Variants in CADM2 observed in about 807,000 individuals in gnomAD.
CADM2 encodes the protein immunoglobulin superfamily member 4D.
Under a neutral mutation model 49.8 loss-of-function variants are expected in CADM2, and 12 were observed. The ratio of observed to expected loss-of-function variants is 0.24; its 90% CI spans 0.15 to 0.39. The LOEUF is 0.39. Ranked by LOEUF, CADM2 falls within the 10% of genes least tolerant of loss-of-function variation. The probability of loss-of-function intolerance (pLI) is 1.00; values close to 1 mark genes in which losing one functional copy is unlikely to be tolerated. For synonymous variants in CADM2, 214 were observed against 175.4 expected, an observed-to-expected ratio of 1.22 and a Z score of -1.74; for missense variants, 378 against 492.3, an observed-to-expected ratio of 0.77 and a Z score of 2.20.
At chr3:85,265,349 G>C (rs1289555396) in intron 1 of CADM2, among the ~76,000 whole-genome samples, 10 of 133,798 alleles carry the variant, frequency 7.5e-5, no homozygotes, top group Non-Finnish European at 1.2e-4. Flanking sequence ...ATACCACAAA[G>C]AGTAATTTAT....
At chr3:85,381,524 T>C (rs1189029060) in intron 1 of CADM2, among the ~76,000 whole-genome samples, 4 of 148,098 alleles carry the variant, frequency 2.7e-5, no homozygotes, top group Non-Finnish European at 4.5e-5. Flanking sequence ...TATATATATA[T>C]AAAGATTTTG....
At chr3:85,591,507 C>T (rs553485351) in intron 1 of CADM2, among the ~76,000 whole-genome samples, 16 of 151,940 alleles carry the variant, frequency 1.1e-4, no homozygotes, top group East Asian at 1.9e-4. Context: ...GTAGTATATA[C>T]GGAAATTTCA....
At chr3:85,996,929 T>G (rs1277659301) in intron 8 of CADM2, among the ~76,000 whole-genome samples, 2 of 152,214 alleles carry the variant, frequency 1.3e-5, no homozygotes, top group African/African-American at 4.8e-5. Flanking sequence ...TTCTTCATCA[T>G]TCCTACCAGT....
Position 85,874,629 on chromosome 3 carries a change from C to G in CADM2, c.239-8662C>G, listed in dbSNP as rs561790487. On this transcript the variant is annotated intron_variant, in intron 3 of 9. Transcript: ENST00000383699. Reference sequence around the variant, plus strand: ...ACAAAAATTGTTATGGTTCAAATACCATATCATTTTCTTGTTCTACGGATC... The same window carrying G: ...ACAAAAATTGTTATGGTTCAAATACGATATCATTTTCTTGTTCTACGGATC... 1.2e-3 allele frequency among the ~76,000 whole-genome samples: 177 copies of G among 152,020 alleles called. 3 individuals are homozygous for G. The highest frequency in any genetic ancestry group is 4.2e-3 in the African/African-American group (176 of 41,490).
At chr3:86,042,100 G>C (rs1559819792) in intron 8 of CADM2, among the ~76,000 whole-genome samples, 1 of 152,196 alleles carries the variant, frequency 6.6e-6, no homozygotes, top group African/African-American at 2.4e-5. Context: ...GAAATTTATA[G>C]CACTAAATGC....
At chr3:85,544,241 G>T (rs1300244415) in intron 1 of CADM2, among the ~76,000 whole-genome samples, 1 of 152,140 alleles carries the variant, frequency 6.6e-6, no homozygotes, top group Non-Finnish European at 1.5e-5. Context: ...AAGGAAGGCT[G>T]AAGGAGGCCC....
At chr3:85,886,070 T>A (rs1459055785) in intron 4 of CADM2, 120 bp from the exon 5 acceptor site, 1 of 1,444,462 alleles carries the variant, frequency 6.9e-7, no homozygotes, top group Non-Finnish European at 9.3e-7. Flanking sequence ...AGTTTGTTCA[T>A]CTTGATCGAA....
intron 2 of CADM2, among the ~76,000 whole-genome samples, chr3:85,730,569 G>A (rs548249500): frequency 2.6e-5 from 4 of 152,212 alleles, no homozygotes; most frequent in South Asian, 4.1e-4. Flanking sequence ...TGATATACAA[G>A]TCTATCCTAC....
intron 1 of CADM2, among the ~76,000 whole-genome samples, chr3:85,643,924 TG>T (rs2064809038): frequency 6.6e-6 from 1 of 152,114 alleles, no homozygotes; most frequent in African/African-American, 2.4e-5. Flanking sequence ...ACAGCTACAT[TG>T]GGGGTTAGGG....
intron 1 of CADM2, among the ~76,000 whole-genome samples, chr3:85,227,103 G>T (rs909783861): frequency 3.3e-5 from 5 of 152,162 alleles, no homozygotes; most frequent in African/African-American, 1.2e-4. Context: ...ATATTCTGTT[G>T]ATTTGGGGTG....
At chr3:85,704,910 G>GT (rs886228191) in intron 1 of CADM2, among the ~76,000 whole-genome samples, 108 of 150,096 alleles carry the variant, frequency 7.2e-4, no homozygotes, top group African/African-American at 2.4e-3. Flanking sequence ...CCAGGCTGGA[G>GT]TGCAGTGGCA....
intron 1 of CADM2, among the ~76,000 whole-genome samples, chr3:85,185,694 A>C (rs1370710089): frequency 6.6e-6 from 1 of 152,094 alleles, no homozygotes; most frequent in Admixed American, 6.6e-5. Context: ...TGGAGCATGA[A>C]TTTCCTCTAC....
At chr3:85,170,790 C>T (rs1427071879) in intron 1 of CADM2, among the ~76,000 whole-genome samples, 2 of 152,168 alleles carry the variant, frequency 1.3e-5, no homozygotes, top group East Asian at 3.9e-4. Flanking sequence ...TCACTAAACC[C>T]ATTTACTTGA....
intron 6 of CADM2, among the ~76,000 whole-genome samples, chr3:85,934,133 A>G (rs941752409): frequency 6.6e-6 from 1 of 152,112 alleles, no homozygotes; most frequent in African/African-American, 2.4e-5. Context: ...TTTCACCTCA[A>G]ACTTTTTCCA....
chr3:85,246,630 C>T (rs117356839), intron 1 of CADM2, among the ~76,000 whole-genome samples: 3,299 of 151,584 alleles, frequency 0.022, 107 homozygotes, highest in Admixed American at 0.083. Context: ...GGAATAGTCT[C>T]TTTAATAATT....
rs1054167510 is a variant in CADM2, at chr3:85,894,503, AC to A, written c.529+8180del. On this transcript the variant is annotated intron_variant, in intron 5 of 9. Coordinates refer to ENST00000383699, the MANE Select transcript of CADM2 (RefSeq NM_001167675.2). ...CTAAAACTTAAAGTATAAAAAAAAA[AC>A]CCCATTTTCTGGGGAGAACTTCAAG... 1.7e-4 allele frequency among the ~76,000 whole-genome samples: 26 copies of A among 151,944 alleles called. 1 individual carries two copies. The highest frequency in any genetic ancestry group is 1.3e-4 in the Admixed American group (2 of 15,232).
At chr3:85,346,747 T>G (rs2030697840) in intron 1 of CADM2, among the ~76,000 whole-genome samples, 1 of 152,214 alleles carries the variant, frequency 6.6e-6, no homozygotes, top group Non-Finnish European at 1.5e-5. Context: ...TTTGTTTTTC[T>G]AACCTTTGTC....
At chr3:85,057,076 A>G (rs2036109632) in intron 1 of CADM2, among the ~76,000 whole-genome samples, 1 of 152,152 alleles carries the variant, frequency 6.6e-6, no homozygotes, top group Non-Finnish European at 1.5e-5. Context: ...TTGTTGGCAA[A>G]TGTTATAAAT....
intron 2 of CADM2, among the ~76,000 whole-genome samples, chr3:85,787,304 A>AAAATT (rs1415238153): frequency 1.1e-4 from 16 of 152,124 alleles, no homozygotes; most frequent in Admixed American, 5.2e-4. Flanking sequence ...TTGCAGTGTA[A>AAAATT]AAATTAAAAT....
Sources: gnomAD v4.1 joint callset for allele counts (sites outside exome capture counted in the v4.1 genomes callset) on GRCh38, gnomAD v4.1.1 for gene constraint, MANE v1.5 for transcripts, NCBI Gene and HGNC (gene_info 2026-07-23, HGNC 2026-07-21) for gene names.